ATRNL1: variants seen among roughly 807,000 people sequenced by gnomAD.
ATRNL1 encodes attractin like 1.
Under a neutral mutation model 182.7 loss-of-function variants are expected in ATRNL1, and 95 were observed. The observed-to-expected ratio is 0.52, with a 90% CI of 0.44 to 0.62. The LOEUF is 0.62. Ranked by LOEUF, ATRNL1 falls within the 20% of genes least tolerant of loss-of-function variation. The probability of loss-of-function intolerance (pLI) is 0.00; values close to 1 mark genes in which losing one functional copy is unlikely to be tolerated. For missense variants in ATRNL1, 1,471 were observed against 1,679.5 expected (o/e 0.88, Z 2.17); for synonymous variants, 576 against 568.3 (o/e 1.01, Z -0.19).
At chr10:115,164,344 CT>C (rs1554883910) in intron 6 of ATRNL1, among the ~76,000 whole-genome samples, 2 of 151,990 alleles carry the variant, frequency 1.3e-5, no homozygotes, top group African/African-American at 4.8e-5. Flanking sequence ...GAAATAAATG[CT>C]TATTGGTTAA....
intron 24 of ATRNL1, among the ~76,000 whole-genome samples, chr10:115,474,928 T>G (rs782495936): frequency 2.0e-5 from 3 of 151,446 alleles, no homozygotes; most frequent in Non-Finnish European, 3.0e-5. Flanking sequence ...CTGTCGCCAC[T>G]GAATGAGATC....
chr10:115,939,509 T>C (rs782694524), intron 28 of ATRNL1, among the ~76,000 whole-genome samples: 4 of 152,210 alleles, frequency 2.6e-5, no homozygotes, highest in Non-Finnish European at 5.9e-5. Context: ...TTTTGTTGAA[T>C]CTACTGGTAT....
Position 115,171,146 on chromosome 10 carries a change from C to T in ATRNL1, c.1202C>T (p.Thr401Ile). The change falls in exon 8 of 29, where the codon ACT (threonine) becomes ATT (isoleucine). Residue 401 changes from threonine to isoleucine, a missense_variant. Around this residue, in one of 3 missense-constraint regions of ATRNL1, gnomAD observed 1,031 missense variants for 1,156.0 expected, o/e 0.89. Transcript: ENST00000355044. ...CAGTCATGGAGTACAAAAACTCCTA[C>T]TGTTCTTGGACATGGTCAGCAGTAT... ...HSQSWSTKTP[T>I]VLGHGQQYAV... 2 of 1,611,400 alleles carry T rather than the reference C, an allele frequency of 1.2e-6. No homozygotes were observed. Among genetic ancestry groups the T allele is most frequent in the Non-Finnish European group, 1.7e-6 (2 of 1,178,234 alleles).
intron 10 of ATRNL1, among the ~76,000 whole-genome samples, chr10:115,260,006 A>G (rs1321208115): frequency 7.0e-6 from 1 of 142,146 alleles, no homozygotes; most frequent in Non-Finnish European, 1.6e-5. Flanking sequence ...TTTTAGTATA[A>G]TTGAAGATGA....
chr10:115,687,017 T>TTATC (rs1555046513), intron 26 of ATRNL1, among the ~76,000 whole-genome samples: 1 of 151,900 alleles, frequency 6.6e-6, no homozygotes. Context: ...TCCTTCCACC[T>TTATC]TATTTATTTA....
intron 19 of ATRNL1, among the ~76,000 whole-genome samples, chr10:115,337,943 G>A (rs1211433681): frequency 1.3e-5 from 2 of 152,098 alleles, no homozygotes; most frequent in African/African-American, 4.8e-5. Flanking sequence ...TAAGGAGTGC[G>A]TAGTCTAGAT....
At chr10:115,645,832 C>A (rs1005859637) in intron 26 of ATRNL1, among the ~76,000 whole-genome samples, 1 of 151,906 alleles carries the variant, frequency 6.6e-6, no homozygotes, top group Non-Finnish European at 1.5e-5. Flanking sequence ...TTCCTGCCAC[C>A]CCATCCCTAT....
intron 6 of ATRNL1, among the ~76,000 whole-genome samples, chr10:115,162,840 G>T (rs782287444): frequency 6.6e-6 from 1 of 151,738 alleles, no homozygotes; most frequent in Non-Finnish European, 1.5e-5. Flanking sequence ...GCAAGAAAAG[G>T]CATTATGTGA....
intron 26 of ATRNL1, among the ~76,000 whole-genome samples, chr10:115,702,480 G>T (rs111536304): frequency 1.3e-5 from 2 of 151,730 alleles, no homozygotes; most frequent in Non-Finnish European, 3.0e-5. Flanking sequence ...AAATTATCTC[G>T]CTTTGCTGAT....
intron 19 of ATRNL1, among the ~76,000 whole-genome samples, chr10:115,368,654 C>G (rs1345943993): frequency 1.3e-5 from 2 of 152,066 alleles, no homozygotes; most frequent in Non-Finnish European, 2.9e-5. Flanking sequence ...TTCCCATCCC[C>G]TTTTCCACAC....
At chr10:115,297,219 T>C (rs1392579760) in intron 15 of ATRNL1, among the ~76,000 whole-genome samples, 1 of 152,228 alleles carries the variant, frequency 6.6e-6, no homozygotes, top group Non-Finnish European at 1.5e-5. Context: ...TTTTATAATA[T>C]TTTTGAAGAA....
chr10:115,354,693 G>A (rs1194099464), intron 19 of ATRNL1, among the ~76,000 whole-genome samples: 1 of 151,910 alleles, frequency 6.6e-6, no homozygotes, highest in African/African-American at 2.4e-5. Flanking sequence ...TCTTCTTGAT[G>A]TTCTTTCACC....
At chr10:115,376,961 C>T (rs183288000) in intron 19 of ATRNL1, among the ~76,000 whole-genome samples, 2 of 151,982 alleles carry the variant, frequency 1.3e-5, no homozygotes, top group East Asian at 1.9e-4. Flanking sequence ...TCTGAGTTTG[C>T]TAATTTTTTT....
intron 19 of ATRNL1, among the ~76,000 whole-genome samples, chr10:115,370,652 G>T (rs577771854): frequency 6.6e-6 from 1 of 152,218 alleles, no homozygotes; most frequent in Non-Finnish European, 1.5e-5. Flanking sequence ...TTCAAGAAGT[G>T]ACTTGGGTGC....
At chr10:115,781,597 A>G (rs1949267114) in intron 27 of ATRNL1, among the ~76,000 whole-genome samples, 1 of 152,228 alleles carries the variant, frequency 6.6e-6, no homozygotes, top group South Asian at 2.1e-4. Flanking sequence ...TATCAAGTTC[A>G]GTAACAGGAA....
At chr10:115,767,076 C>T (rs537835010) in intron 27 of ATRNL1, among the ~76,000 whole-genome samples, 9 of 152,198 alleles carry the variant, frequency 5.9e-5, no homozygotes, top group African/African-American at 2.2e-4. Context: ...TTTTATGACC[C>T]GCTGCTTTAT....
intron 27 of ATRNL1, among the ~76,000 whole-genome samples, chr10:115,833,141 A>G (rs989807104): frequency 2.6e-5 from 4 of 152,214 alleles, no homozygotes; most frequent in African/African-American, 2.4e-5. Flanking sequence ...GCTAAATCAT[A>G]ACATAGCTGC....
At chr10:115,192,198 G>A (rs1554889984) in intron 8 of ATRNL1, among the ~76,000 whole-genome samples, 1 of 152,002 alleles carries the variant, frequency 6.6e-6, no homozygotes, top group East Asian at 1.9e-4. Context: ...TGTTTCTCCA[G>A]TGTTTTCTTC....
intron 27 of ATRNL1, among the ~76,000 whole-genome samples, chr10:115,759,859 TTTTTTTTG>T: frequency 7.1e-6 from 1 of 139,870 alleles, no homozygotes; most frequent in African/African-American, 2.7e-5. Context: ...TTTTTTTTTT[TTTTTTTTG>T]TATTTTTAGT....
Sources: gnomAD v4.1 joint callset for allele counts (sites outside exome capture counted in the v4.1 genomes callset) on GRCh38, gnomAD v4.1.1 for gene constraint, gnomAD v4.1.1 regional missense constraint, MANE v1.5 for transcripts, NCBI Gene and HGNC (gene_info 2026-07-23, HGNC 2026-07-21) for gene names.